ZNF30: variants seen among roughly 807,000 people sequenced by gnomAD.
The protein encoded by ZNF30 is zinc finger protein 30 (KOX 28).
Under a neutral mutation model 13.2 loss-of-function variants are expected in ZNF30, and 15 were observed. The observed-to-expected ratio is 1.13, with a 90% CI of 0.76 to 1.75. ZNF30 has a LOEUF of 1.75. ZNF30 is among the 40% of genes most tolerant of loss of function. The probability of loss-of-function intolerance (pLI) is 0.00; values close to 1 mark genes in which losing one functional copy is unlikely to be tolerated. For synonymous variants in ZNF30, 223 were observed against 256.6 expected, an observed-to-expected ratio of 0.87 and a Z score of 1.25; for missense variants, 726 against 757.0, an observed-to-expected ratio of 0.96 and a Z score of 0.48.
At position 34,944,767 on chromosome 19, in the gene ZNF30, T is replaced by C. The variant is rs1444178159; in HGVS notation, c.1801T>C (p.Cys601Arg). The change falls in exon 5 of 5, where the codon TGT (cysteine) becomes CGT (arginine). Residue 601 changes from cysteine to arginine, a missense_variant. By Grantham distance (180) the Cys-to-Arg change is radical. Transcript: ENST00000601142. ...TGAGAAACCCTTTAAATGCAAAAAA[T>C]GTGGGAAGACCTTTAGATACAGTTC... ...TGEKPFKCKK[C>R]GKTFRYSSAL... The C allele has an allele frequency of 6.8e-6, 11 of 1,613,734 alleles. No homozygotes were observed. The highest frequency in any genetic ancestry group is 8.5e-6 in the Non-Finnish European group (10 of 1,179,804).
intron 4 of ZNF30, among the ~76,000 whole-genome samples, chr19:34,939,298 T>C (rs1568541942): frequency 6.6e-6 from 1 of 151,722 alleles, no homozygotes; most frequent in Non-Finnish European, 1.5e-5. Context: ...TCTCCTGCCT[T>C]AGCCTCCGGA....
chr19:34,926,547 G>A (rs2012080277), upstream of ZNF30, among the ~76,000 whole-genome samples: 1 of 152,136 alleles, frequency 6.6e-6, no homozygotes, highest in South Asian at 2.1e-4. Context: ...CACGTGATTA[G>A]TCTAATTGCC....
At chr19:34,924,830 C>T (rs964866593), upstream of ZNF30, among the ~76,000 whole-genome samples, 1 of 152,168 alleles carries the variant, frequency 6.6e-6, no homozygotes. Context: ...AGAGGCAAAG[C>T]GACTGGTCAA....
chr19:34,925,120 T>C (rs944494228), upstream of ZNF30, among the ~76,000 whole-genome samples: 3 of 148,550 alleles, frequency 2.0e-5, no homozygotes, highest in Admixed American at 6.6e-5. Flanking sequence ...GGGCGGGCTG[T>C]GGGGCTCTGA....
At chr19:34,942,605 T>C in intron 4 of ZNF30, 1 of 1,287,492 alleles carries the variant, frequency 7.8e-7, no homozygotes, top group Non-Finnish European at 1.0e-6. Context: ...ATAAGAAAGC[T>C]CCAGTCTACA....
At chr19:34,924,118 G>A (rs1010740401), upstream of ZNF30, among the ~76,000 whole-genome samples, 2 of 151,972 alleles carry the variant, frequency 1.3e-5, no homozygotes, top group African/African-American at 4.8e-5. Flanking sequence ...ATTTACCTCT[G>A]ACGATTAAAC....
intron 1 of ZNF30, among the ~76,000 whole-genome samples, chr19:34,928,614 A>C (rs8103894): frequency 0.58 from 87,965 of 151,410 alleles, 28,511 homozygotes; most frequent in African/African-American, 0.89. Context: ...GGGTGGATCA[A>C]TTGAGGTCAG....
At chr19:34,931,455 C>CACATAGAATCTATGT (rs2012448043) in intron 2 of ZNF30, among the ~76,000 whole-genome samples, 3 of 152,134 alleles carry the variant, frequency 2.0e-5, no homozygotes, top group African/African-American at 7.2e-5. Flanking sequence ...TTTTCTAAGA[C>CACATAGAATCTATGT]AGATTTTATT....
chr19:34,930,757 G>A (rs1005685718), intron 2 of ZNF30, among the ~76,000 whole-genome samples: 1 of 151,994 alleles, frequency 6.6e-6, no homozygotes, highest in African/African-American at 2.4e-5. Flanking sequence ...TAACTACTTG[G>A]GACCCTCAGA....
upstream of ZNF30, among the ~76,000 whole-genome samples, chr19:34,926,022 A>G (rs1203153543): frequency 6.6e-6 from 1 of 152,092 alleles, no homozygotes; most frequent in Non-Finnish European, 1.5e-5. Flanking sequence ...AAATATACAA[A>G]AATTAGCCAG....
rs774966453 is a variant in ZNF30 at position 34,944,056 on chromosome 19, C to T, written c.1090C>T (p.Arg364Ter). ...RLSSFLHAHQRIHAEIKPYGC... is the reference protein window; with the variant it reads ...RLSSFLHAHQ The stretch of plus-strand genomic sequence containing the variant: ...TAGTTCCTTCCTTCATGCACATCAG[C>T]GAATTCATGCAGAGATAAAGCCCTA... Residue 364 changes from arginine (R) to a stop codon, truncating the protein, a stop_gained, in exon 5 of 5, where the codon CGA (arginine) becomes TGA (stop). Transcript: ENST00000601142. LOFTEE classifies it low-confidence loss of function (END_TRUNC). 2.0e-5 allele frequency: 33 copies of T among 1,613,632 alleles called. No individual in the cohort carries two copies. The East Asian group carries it at 3.3e-4, about 16-fold the overall frequency.
chr19:34,928,208 T>TAAAAAA (rs386388919), intron 1 of ZNF30, among the ~76,000 whole-genome samples: 18 of 70,532 alleles, frequency 2.6e-4, no homozygotes, highest in African/African-American at 9.5e-4. Flanking sequence ...ATCCCTTCTC[T>TAAAAAA]AAAAAAAAAA....
At chr19:34,934,471 C>T (rs988399899) in intron 4 of ZNF30, among the ~76,000 whole-genome samples, 1 of 152,096 alleles carries the variant, frequency 6.6e-6, no homozygotes, top group Non-Finnish European at 1.5e-5. Flanking sequence ...CACTATGTGG[C>T]TCAGGCTGGT....
chr19:34,928,248 T>TAGATAGATAG (rs1190318170), intron 1 of ZNF30, among the ~76,000 whole-genome samples: 2 of 53,042 alleles, frequency 3.8e-5, no homozygotes, highest in African/African-American at 3.3e-4. Context: ...TATATATATA[T>TAGATAGATAG]ATATATAGAT....
chr19:34,933,651 G>T lies in ZNF30; in HGVS notation c.184G>T (p.Val62Leu), dbSNP rs1397697731. The T allele has an allele frequency of 6.2e-7, 1 of 1,601,188 alleles. No individual in the cohort carries two copies. Among genetic ancestry groups the T allele is most frequent in the Admixed American group, 1.7e-5 (1 of 58,088 alleles). Residue 62 changes from valine (V) to leucine (L), a missense_variant, in exon 4 of 5, where the codon GTG becomes TTG. Val to Leu is a conservative substitution (Grantham distance 32). Coordinates refer to ENST00000601142, the MANE Select transcript of ZNF30 (RefSeq NM_194325.3). ...AGGACATTCCCGTTCTAAACCACAT[G>T]TGATCGCCTTATTGGAACAATGGAA... ...SMGHSRSKPH[V>L]IALLEQWKEP...
intron 2 of ZNF30, 89 bp downstream of exon 2, chr19:34,930,045 G>T: frequency 1.5e-6 from 2 of 1,323,800 alleles, no homozygotes; most frequent in South Asian, 1.3e-5. Flanking sequence ...TCATCAGAAT[G>T]TACCATCTAA....
chr19:34,928,220 A>AAATATATATATATATATATATATAT (rs1555778254), intron 1 of ZNF30, among the ~76,000 whole-genome samples: 1 of 73,414 alleles, frequency 1.4e-5, no homozygotes, highest in Non-Finnish European at 2.6e-5. Flanking sequence ...AAAAAAAAAA[A>AAATATATATATATATATATATATAT]ATATATATAT....
At chr19:34,924,639 A>C (rs2012003708), upstream of ZNF30, among the ~76,000 whole-genome samples, 1 of 152,202 alleles carries the variant, frequency 6.6e-6, no homozygotes, top group Admixed American at 6.5e-5. Context: ...TTCAGGAATC[A>C]CAGGATATTG....
intron 4 of ZNF30, among the ~76,000 whole-genome samples, chr19:34,939,429 C>A (rs536845078): frequency 9.9e-5 from 15 of 151,846 alleles, no homozygotes; most frequent in African/African-American, 3.4e-4. Context: ...CCACCCGCTT[C>A]GGCCTCCCAA....
Sources: allele counts gnomAD v4.1 joint callset (sites outside exome capture counted in the v4.1 genomes callset), GRCh38; gene constraint gnomAD v4.1.1; transcripts MANE v1.5; gene names NCBI Gene and HGNC (gene_info 2026-07-23, HGNC 2026-07-21).